The following FSTL5 variants were observed in gnomAD, a reference collection of about 807,000 sequenced individuals.
FSTL5 encodes follistatin-related protein 5.
Under a neutral mutation model 89.1 loss-of-function variants are expected in FSTL5, and 62 were observed. The observed-to-expected ratio is 0.70, with a 90% CI of 0.57 to 0.86. FSTL5 has a LOEUF of 0.86. FSTL5 is among the 40% of genes least tolerant of loss of function. The probability of loss-of-function intolerance (pLI) is 0.00; values close to 1 mark genes in which losing one functional copy is unlikely to be tolerated. For synonymous variants in FSTL5, 383 were observed against 346.2 expected, an observed-to-expected ratio of 1.11 and a Z score of -1.18; for missense variants, 1,057 against 1,001.6, an observed-to-expected ratio of 1.06 and a Z score of -0.75.
At chr4:162,014,140 C>A (rs1736849049) in intron 3 of FSTL5, among the ~76,000 whole-genome samples, 1 of 152,162 alleles carries the variant, frequency 6.6e-6, no homozygotes, top group Non-Finnish European at 1.5e-5. Context: ...CAGGAGATAC[C>A]ACCAGTGAGC....
At chr4:161,749,356 A>C (rs1740316179) in intron 6 of FSTL5, among the ~76,000 whole-genome samples, 1 of 152,224 alleles carries the variant, frequency 6.6e-6, no homozygotes, top group Admixed American at 6.5e-5. Context: ...GTATTTCATA[A>C]AAATGAATGA....
At chr4:161,531,444 AGT>A (rs1731408918) in intron 10 of FSTL5, among the ~76,000 whole-genome samples, 1 of 152,180 alleles carries the variant, frequency 6.6e-6, no homozygotes, top group Non-Finnish European at 1.5e-5. Context: ...TTACCCCCAA[AGT>A]TACAAATCTT....
At chr4:162,158,115 C>T (rs1026878075) in intron 1 of FSTL5, among the ~76,000 whole-genome samples, 6 of 151,996 alleles carry the variant, frequency 3.9e-5, no homozygotes, top group African/African-American at 1.2e-4. Flanking sequence ...TGAAGGATTA[C>T]GTATGAGTAG....
At chr4:161,398,116 G>A (rs959558607) in intron 15 of FSTL5, among the ~76,000 whole-genome samples, 15 of 152,138 alleles carry the variant, frequency 9.9e-5, no homozygotes, top group African/African-American at 3.1e-4. Context: ...TAAAAGTTAA[G>A]TTGTGACTCT....
rs183972257 is a variant in FSTL5 at position 161,959,366 on chromosome 4, T to C, written c.161-38714A>G. ...GCTAATTTTAGGATGTTATTTTTTA[T>C]TTTATAGTACCAAAATAAAGTCTTA... On this transcript the variant is annotated intron_variant, in intron 3 of 15. Transcript: ENST00000306100. 3.9e-5 allele frequency among the ~76,000 whole-genome samples: 6 copies of C among 152,244 alleles called. No homozygotes were observed. In the East Asian group the frequency reaches 1.2e-3, roughly 29 times the overall value.
Position 161,532,200 on chromosome 4 carries a change from C to CA in FSTL5, c.1312+5965dup, listed in dbSNP as rs764769069. 9.7e-3 allele frequency among the ~76,000 whole-genome samples: 1,128 copies of CA among 116,704 alleles called. 20 individuals are homozygous for CA. Among genetic ancestry groups the CA allele is most frequent in the South Asian group, 0.066 (251 of 3,830 alleles). 76.6% of individuals were successfully genotyped at this position (116,704 alleles called of 152,430 possible). ...GGGCAACAGAGCAAGACTCCATCTCCAAAAAAAAAAAAAGAAATTATTTTT... is the reference window on the plus strand; with the variant it reads ...GGGCAACAGAGCAAGACTCCATCTCCAAAAAAAAAAAAAAGAAATTATTTTT... On this transcript the variant is annotated intron_variant, in intron 10 of 15. Coordinates refer to ENST00000306100, the MANE Select transcript of FSTL5 (RefSeq NM_020116.5).
chr4:161,390,299 T>G (rs930903631), intron 15 of FSTL5, among the ~76,000 whole-genome samples: 12 of 152,138 alleles, frequency 7.9e-5, no homozygotes, highest in African/African-American at 2.7e-4. Flanking sequence ...TGGCTTACTT[T>G]AGGACCTGGA....
chr4:161,495,408 C>G (rs13149226), intron 12 of FSTL5: 40,121 of 151,960 alleles, frequency 0.26, 6,095 homozygotes, highest in South Asian at 0.42. Flanking sequence ...ACTTCTGAAT[C>G]CATAAGTCTG....
chr4:162,081,225 G>C (rs1408665397), intron 2 of FSTL5, among the ~76,000 whole-genome samples: 2 of 151,546 alleles, frequency 1.3e-5, no homozygotes, highest in Non-Finnish European at 3.0e-5. Context: ...TCCAGAGTCA[G>C]TAGCACCAAA....
At chr4:161,869,306 T>C (rs951991329) in intron 4 of FSTL5, among the ~76,000 whole-genome samples, 4 of 152,244 alleles carry the variant, frequency 2.6e-5, no homozygotes, top group Admixed American at 1.3e-4. Flanking sequence ...CAGTGGGTGA[T>C]AATAACTATT....
intron 4 of FSTL5, among the ~76,000 whole-genome samples, chr4:161,876,239 ACCTTTATCAC>A (rs1203767421): frequency 6.6e-6 from 1 of 152,176 alleles, no homozygotes; most frequent in African/African-American, 2.4e-5. Context: ...TTTTTAGGAA[ACCTTTATCAC>A]TCTATTTTGA....
At chr4:162,018,253 G>T (rs1013846053) in intron 3 of FSTL5, among the ~76,000 whole-genome samples, 1 of 152,104 alleles carries the variant, frequency 6.6e-6, no homozygotes, top group Non-Finnish European at 1.5e-5. Context: ...CAGGTGGAGT[G>T]CTTTATTTAT....
At chr4:162,034,926 C>A (rs1697146437) in intron 2 of FSTL5, among the ~76,000 whole-genome samples, 1 of 152,080 alleles carries the variant, frequency 6.6e-6, no homozygotes. Flanking sequence ...CTCACCCAAC[C>A]TCTGTGTTTG....
chr4:161,570,571 G>A (rs567630598), intron 8 of FSTL5, among the ~76,000 whole-genome samples: 5 of 152,132 alleles, frequency 3.3e-5, no homozygotes, highest in Non-Finnish European at 2.9e-5. Context: ...GTAGAGGAGG[G>A]ATGTGACTTG....
At chr4:161,439,953 C>T (rs35101170) in intron 15 of FSTL5, among the ~76,000 whole-genome samples, 9,673 of 152,110 alleles carry the variant, frequency 0.064, 403 homozygotes, top group African/African-American at 0.11. Flanking sequence ...CCTGGTCAGG[C>T]ACATTTTCTG....
chr4:161,706,905 AC>A (rs1738603097), intron 6 of FSTL5, among the ~76,000 whole-genome samples: 1 of 151,974 alleles, frequency 6.6e-6, no homozygotes, highest in South Asian at 2.1e-4. Context: ...TAACAACATA[AC>A]CCAACTAATA....
chr4:161,659,470 C>T (rs1736633930), intron 6 of FSTL5, among the ~76,000 whole-genome samples: 1 of 152,030 alleles, frequency 6.6e-6, no homozygotes, highest in African/African-American at 2.4e-5. Context: ...TATTAAGAAG[C>T]ACAGATTAGC....
chr4:162,146,070 G>T (rs1732972357), intron 1 of FSTL5, among the ~76,000 whole-genome samples: 1 of 151,986 alleles, frequency 6.6e-6, no homozygotes, highest in Admixed American at 6.6e-5. Flanking sequence ...AAAGATTCCT[G>T]TTTTGATAAT....
intron 10 of FSTL5, among the ~76,000 whole-genome samples, chr4:161,533,933 A>G (rs1000797448): frequency 1.3e-5 from 2 of 152,146 alleles, no homozygotes; most frequent in African/African-American, 4.8e-5. Context: ...CAACATATGC[A>G]AATCAACAAA....
Sources: allele counts gnomAD v4.1 joint callset (sites outside exome capture counted in the v4.1 genomes callset), GRCh38; gene constraint gnomAD v4.1.1; transcripts MANE v1.5; gene names NCBI Gene and HGNC (gene_info 2026-07-23, HGNC 2026-07-21).